Variants in TBC1D9 observed in about 807,000 individuals in gnomAD.
The protein encoded by TBC1D9 is TBC1 domain family member 9, also known as TBC1 domain family member 9A.
Under a neutral mutation model 132.0 loss-of-function variants are expected in TBC1D9, and 63 were observed. That is an observed-to-expected ratio of 0.48 (90% CI 0.39 to 0.59). The LOEUF (loss-of-function observed/expected upper bound fraction) is 0.59. Ranked by LOEUF, TBC1D9 falls within the 20% of genes least tolerant of loss-of-function variation. The probability of loss-of-function intolerance (pLI) is 0.00; values close to 1 mark genes in which losing one functional copy is unlikely to be tolerated. For synonymous variants in TBC1D9, 610 were observed against 609.9 expected (o/e 1.00, Z 0.00); for missense variants, 1,261 against 1,592.7 (o/e 0.79, Z 3.54).
chr4:140,643,515 C>T (rs1294706229), intron 13 of TBC1D9: 2 of 879,276 alleles, frequency 2.3e-6, no homozygotes, highest in South Asian at 2.9e-5. Flanking sequence ...CAGTCTCGGG[C>T]ACTCTCCCTC....
chr4:140,669,261 T>C (rs922144334), intron 8 of TBC1D9, among the ~76,000 whole-genome samples, 194 bp from the exon 9 acceptor site: 1 of 152,180 alleles, frequency 6.6e-6, no homozygotes. Flanking sequence ...AGCTCTGCCA[T>C]GAAGCTTTTG....
chr4:140,744,879 T>TAAAAAAAAA (rs34469042), intron 1 of TBC1D9, among the ~76,000 whole-genome samples: 1 of 107,516 alleles, frequency 9.3e-6, no homozygotes, highest in Non-Finnish European at 1.8e-5. Flanking sequence ...CAAGAGTGTT[T>TAAAAAAAAA]AAAAAAAAAA....
intron 13 of TBC1D9, among the ~76,000 whole-genome samples, chr4:140,641,202 G>GATTT (rs1280736528): frequency 2.0e-5 from 3 of 151,718 alleles, no homozygotes; most frequent in Non-Finnish European, 2.9e-5. Flanking sequence ...GAAGTCTGGA[G>GATTT]ATTTATTAAC....
intron 3 of TBC1D9, among the ~76,000 whole-genome samples, chr4:140,684,990 C>T (rs1040701053): frequency 6.6e-6 from 1 of 151,868 alleles, no homozygotes; most frequent in South Asian, 2.1e-4. Context: ...TGTTAATAAT[C>T]GATAAATAAT....
intron 1 of TBC1D9, chr4:140,715,952 C>G (rs1738328144): frequency 6.6e-6 from 1 of 152,182 alleles, no homozygotes; most frequent in African/African-American, 2.4e-5. Context: ...CTGGCACCAA[C>G]AAGGGAGAGA....
chr4:140,675,058 G>A (rs1034243642), intron 6 of TBC1D9, among the ~76,000 whole-genome samples: 3 of 151,996 alleles, frequency 2.0e-5, no homozygotes, highest in Non-Finnish European at 4.4e-5. Flanking sequence ...TATACTCAAT[G>A]TTAAAGGAAA....
chr4:140,648,674 T>C (rs976449776), intron 13 of TBC1D9, among the ~76,000 whole-genome samples: 5 of 152,176 alleles, frequency 3.3e-5, no homozygotes, highest in South Asian at 2.1e-4. Context: ...ATGTGAGCCA[T>C]GGCACCTGGC....
chr4:140,659,587 C>G lies in TBC1D9; in HGVS notation c.1921+1G>C. On this transcript the variant is annotated splice_donor_variant, in intron 11 of 20. Transcript: ENST00000442267. LOFTEE classifies it high-confidence loss of function. ...GAAATGTTAAATGCATCTCCACTTA[C>G]CCACAACTCTGGTGTTGTAGTAATC... 1 of 1,578,814 alleles carries G rather than the reference C, an allele frequency of 6.3e-7. No individual in the cohort carries two copies. The highest frequency in any genetic ancestry group is 8.6e-7 in the Non-Finnish European group (1 of 1,159,292).
At chr4:140,710,382 A>G (rs1738224328) in intron 1 of TBC1D9, among the ~76,000 whole-genome samples, 1 of 152,146 alleles carries the variant, frequency 6.6e-6, no homozygotes, top group Non-Finnish European at 1.5e-5. Flanking sequence ...CACTCTGTAG[A>G]ATTTTAAGCA....
At chr4:140,635,371 A>G (rs1005242610) in intron 15 of TBC1D9, among the ~76,000 whole-genome samples, 2 of 152,136 alleles carry the variant, frequency 1.3e-5, no homozygotes, top group African/African-American at 2.4e-5. Context: ...AGTCCCAGCT[A>G]CTTGGGAGGC....
In TBC1D9 at chr4:140,673,775, C is replaced by A. The variant is rs969496105; in HGVS notation, c.1060-2849G>T. On this transcript the variant is annotated intron_variant, in intron 6 of 20. Coordinates refer to ENST00000442267, the MANE Select transcript of TBC1D9 (RefSeq NM_015130.3). ...CATATTTATTATTATCTCTGCTCTA[C>A]TAGAGAAAACTAGCAAGCAGAATAG... Among the ~76,000 whole-genome samples, 4 of 152,172 alleles carry A rather than the reference C, an allele frequency of 2.6e-5. No homozygotes were observed. In the South Asian group the frequency reaches 8.3e-4, roughly 32 times the overall value.
At chr4:140,654,923 T>C (rs1450435624) in intron 13 of TBC1D9, among the ~76,000 whole-genome samples, 1 of 152,138 alleles carries the variant, frequency 6.6e-6, no homozygotes, top group Admixed American at 6.5e-5. Flanking sequence ...GAATGCTATA[T>C]AATACTGAAA....
chr4:140,738,631 T>C (rs1738712360), intron 1 of TBC1D9, among the ~76,000 whole-genome samples: 1 of 152,254 alleles, frequency 6.6e-6, no homozygotes, highest in South Asian at 2.1e-4. Context: ...AGACACTTTT[T>C]GGCTTACAAA....
chr4:140,746,261 G>C (rs1289851870), intron 1 of TBC1D9, among the ~76,000 whole-genome samples: 1 of 152,138 alleles, frequency 6.6e-6, no homozygotes, highest in African/African-American at 2.4e-5. Context: ...CTTACTGAAG[G>C]AATCACACAT....
intron 15 of TBC1D9, among the ~76,000 whole-genome samples, chr4:140,635,840 G>A (rs771652204): frequency 1.3e-5 from 2 of 152,178 alleles, no homozygotes; most frequent in Admixed American, 6.5e-5. Context: ...GGGTGGAGGC[G>A]GGTGTGTCAG....
At position 140,624,159 on chromosome 4, in the gene TBC1D9, T is replaced by C. The variant is rs888749555; in HGVS notation, c.3035A>G (p.Lys1012Arg). The change falls in exon 20 of 21, where the codon AAA (lysine) becomes AGA (arginine). Residue 1012 changes from lysine to arginine, a missense_variant. Transcript: ENST00000442267. ...ATCCTTTGCATTCTTTGACTTAGATTTATTTTCTGGAGTCCACAGTCTCAA... is the reference window on the plus strand; with the variant it reads ...ATCCTTTGCATTCTTTGACTTAGATCTATTTTCTGGAGTCCACAGTCTCAA... ...NYLRLWTPEN[K>R]SKSKNAKDLP... 1 of 1,611,676 alleles carries C rather than the reference T, an allele frequency of 6.2e-7. No individual in the cohort carries two copies. Among genetic ancestry groups the C allele is most frequent in the African/African-American group, 1.3e-5 (1 of 74,918 alleles).
intron 13 of TBC1D9, chr4:140,643,484 A>T: frequency 1.1e-6 from 1 of 882,614 alleles, no homozygotes; most frequent in East Asian, 2.5e-5. Context: ...TGCCGGGCAC[A>T]GGCACGGCCT....
chr4:140,729,813 C>T (rs981291826), intron 1 of TBC1D9, among the ~76,000 whole-genome samples: 6 of 70,718 alleles, frequency 8.5e-5, no homozygotes. Flanking sequence ...AGCAAGATTC[C>T]ATCTCAAAAA....
At chr4:140,656,137 C>T (rs957366730) in intron 13 of TBC1D9, among the ~76,000 whole-genome samples, 2 of 152,150 alleles carry the variant, frequency 1.3e-5, no homozygotes, top group Non-Finnish European at 2.9e-5. Flanking sequence ...TACTTCTGGC[C>T]AGTAGTTCTC....
Sources: allele counts gnomAD v4.1 joint callset (sites outside exome capture counted in the v4.1 genomes callset), GRCh38; gene constraint gnomAD v4.1.1; transcripts MANE v1.5; gene names NCBI Gene and HGNC (gene_info 2026-07-23, HGNC 2026-07-21).